Variants in WDR1 observed in about 807,000 individuals in gnomAD.
WDR1 encodes WD repeat domain 1.
In WDR1, 21 loss-of-function variants were observed where a neutral mutation model predicts 71.9. The observed-to-expected ratio is 0.29, with a 90% confidence interval of 0.21 to 0.42. WDR1 has a LOEUF of 0.42. Ranked by LOEUF, WDR1 falls within the 10% of genes least tolerant of loss-of-function variation. The probability of loss-of-function intolerance (pLI) is 1.00; values close to 1 mark genes in which losing one functional copy is unlikely to be tolerated. For missense variants in WDR1, 696 were observed against 824.5 expected (o/e 0.84, Z 1.91); for synonymous variants, 424 against 347.4 (o/e 1.22, Z -2.45).
At chr4:10,083,380 G>C (rs968227583) in intron 9 of WDR1, among the ~76,000 whole-genome samples, 1 of 152,182 alleles carries the variant, frequency 6.6e-6, no homozygotes, top group Non-Finnish European at 1.5e-5. Context: ...GCACCACACA[G>C]GGATTGGGAT....
In WDR1 at chr4:10,081,466, C is replaced by T. The variant is rs919726128; in HGVS notation, c.1197-22G>A. 1.9e-6 allele frequency: 3 copies of T among 1,610,518 alleles called. No individual in the cohort carries two copies. The Admixed American group carries it at 5.0e-5, about 27-fold the overall frequency. On this transcript the variant is annotated intron_variant, in intron 10 of 14. Transcript: ENST00000499869. ...TCCGCTGTTAGAGAGAAAGGAAGCA[C>T]ATTACTTCGACAATGCAGCAGCTCA... is the stretch of plus-strand genomic sequence containing the variant.
intron 2 of WDR1, among the ~76,000 whole-genome samples, chr4:10,105,665 C>A (rs1194387940): frequency 2.0e-5 from 3 of 152,210 alleles, no homozygotes; most frequent in Non-Finnish European, 2.9e-5. Context: ...AATGTTCACA[C>A]TGCTGGTGGA....
At chr4:10,115,394 T>A (rs1013482800) in intron 2 of WDR1, among the ~76,000 whole-genome samples, 2 of 152,218 alleles carry the variant, frequency 1.3e-5, no homozygotes, top group Admixed American at 1.3e-4. Context: ...TTGCAGAGAA[T>A]GATTCATGGG....
chr4:10,102,273 AG>A (rs1255992566), intron 3 of WDR1, among the ~76,000 whole-genome samples: 3 of 152,222 alleles, frequency 2.0e-5, no homozygotes, highest in Non-Finnish European at 4.4e-5. Context: ...ATTTGGGCCC[AG>A]GAAGGTGAGT....
intron 8 of WDR1, among the ~76,000 whole-genome samples, chr4:10,085,357 C>A (rs957582122): frequency 9.2e-5 from 14 of 152,242 alleles, no homozygotes; most frequent in Non-Finnish European, 1.8e-4. Flanking sequence ...GAGACAGGTA[C>A]ACAGTTACCA....
At chr4:10,099,579 C>T (rs1712565413) in intron 3 of WDR1, among the ~76,000 whole-genome samples, 1 of 152,258 alleles carries the variant, frequency 6.6e-6, no homozygotes, top group Admixed American at 6.5e-5. Flanking sequence ...ACGGCACTGG[C>T]TACACCTGCC....
At chr4:10,103,282 AC>A (rs1712812757) in intron 3 of WDR1, among the ~76,000 whole-genome samples, 1 of 64,498 alleles carries the variant, frequency 1.6e-5, no homozygotes, top group Admixed American at 1.9e-4. Context: ...ACACACACAC[AC>A]ACACAGACAC....
chr4:10,103,285 C>CAG (rs1712813326), intron 3 of WDR1, among the ~76,000 whole-genome samples: 2 of 28,266 alleles, frequency 7.1e-5, no homozygotes, highest in African/African-American at 2.5e-4. Context: ...CACACACACA[C>CAG]ACAGACACAC....
rs949013237 is a variant in WDR1, at chr4:10,081,676, A to C, written c.1197-232T>G. On this transcript the variant is annotated intron_variant, in intron 10 of 14. Coordinates refer to ENST00000499869, the MANE Select transcript of WDR1 (RefSeq NM_017491.5). ...CCCGGGGAGGGGTGGGGGGGGGGGA[A>C]GGAGGGGCGGGAGGCGGTGAAAGGC... Among the ~76,000 whole-genome samples the C allele has an allele frequency of 2.9e-4, 3 of 10,322 alleles. No individual in the cohort carries two copies. In the Admixed American group the frequency reaches 3.8e-3, roughly 13 times the overall value. 6.8% of individuals were successfully genotyped at this position (10,322 alleles called of 152,430 possible). A position where few individuals can be genotyped will look rare whatever the true frequency, so the allele number is the denominator to read the frequency against.
rs1421462938 is a variant in WDR1, at chr4:10,084,517, G to A, written c.965C>T (p.Ser322Leu). The A allele has an allele frequency of 6.2e-7, 1 of 1,613,826 alleles. No homozygotes were observed. The highest frequency in any genetic ancestry group is 8.5e-7 in the Non-Finnish European group (1 of 1,179,756). The change falls in exon 9 of 15, where the codon TCG (serine) becomes TTG (leucine). Residue 322 changes from serine (S) to leucine (L), a missense_variant. By Grantham distance (145) the Ser-to-Leu change is moderately radical. Coordinates refer to ENST00000499869, the MANE Select transcript of WDR1 (RefSeq NM_017491.5). ...TTTATGCACCGTCAGACACTGGATC[G>A]ATTTACTGTGACCCTGTGAAGGAGA... ...PLHVIKGHSK[S>L]IQCLTVHKNG...
chr4:10,080,737 C>T (rs1764982249), intron 11 of WDR1, among the ~76,000 whole-genome samples: 1 of 152,200 alleles, frequency 6.6e-6, no homozygotes, highest in African/African-American at 2.4e-5. Context: ...GGCTTTGGTC[C>T]AGATATTCCA....
intron 3 of WDR1, among the ~76,000 whole-genome samples, chr4:10,100,634 T>C (rs1712630031): frequency 6.6e-6 from 1 of 152,130 alleles, no homozygotes; most frequent in South Asian, 2.1e-4. Flanking sequence ...CAGCACTAAC[T>C]AAGGGGAGTC....
chr4:10,093,319 C>T (rs934002147), intron 5 of WDR1, among the ~76,000 whole-genome samples: 2 of 152,228 alleles, frequency 1.3e-5, no homozygotes, highest in Non-Finnish European at 2.9e-5. Flanking sequence ...TCCCCTGTGC[C>T]CAGTCCCACC....
At chr4:10,092,076 T>C (rs992455374) in intron 5 of WDR1, 1 of 152,332 alleles carries the variant, frequency 6.6e-6, no homozygotes, top group Non-Finnish European at 1.5e-5. Flanking sequence ...TCCGCTTCCT[T>C]GGCCAGCACA....
At chr4:10,088,951 G>A (rs949968087) in intron 5 of WDR1, among the ~76,000 whole-genome samples, 1 of 152,186 alleles carries the variant, frequency 6.6e-6, no homozygotes, top group Non-Finnish European at 1.5e-5. Flanking sequence ...CATGCTGACC[G>A]CTCTACCTGC....
intron 14 of WDR1, chr4:10,075,697 T>A (rs926989090): frequency 4.0e-5 from 24 of 593,498 alleles, no homozygotes; most frequent in Admixed American, 1.2e-4. Flanking sequence ...ACCTCTTTTT[T>A]GTGTGCTGCA....
intron 2 of WDR1, among the ~76,000 whole-genome samples, chr4:10,105,418 A>G (rs1197409805): frequency 2.6e-5 from 4 of 152,220 alleles, no homozygotes; most frequent in Non-Finnish European, 5.9e-5. Flanking sequence ...CACCAGTCAT[A>G]AATTAATCCA....
chr4:10,088,641 C>T (rs769431428), intron 6 of WDR1, 23 bp downstream of exon 6: 1 of 1,585,894 alleles, frequency 6.3e-7, no homozygotes, highest in Non-Finnish European at 8.6e-7. Context: ...ATTCCCCACC[C>T]CAAAACCCAT....
intron 3 of WDR1, among the ~76,000 whole-genome samples, chr4:10,102,878 T>C (rs1441850687): frequency 6.6e-6 from 1 of 152,162 alleles, no homozygotes; most frequent in Non-Finnish European, 1.5e-5. Flanking sequence ...GCTTACTCAC[T>C]TGGCCTCCCT....
Sources: gnomAD v4.1 joint callset for allele counts (sites outside exome capture counted in the v4.1 genomes callset) on GRCh38, gnomAD v4.1.1 for gene constraint, MANE v1.5 for transcripts, NCBI Gene and HGNC (gene_info 2026-07-23, HGNC 2026-07-21) for gene names.